POC1B: variants seen among roughly 807,000 people sequenced by gnomAD.
POC1B encodes the protein POC1 centriolar protein B, also known as POC1 centriolar protein homolog B.
POC1B carries 44 observed loss-of-function variants against 60.6 expected under a neutral mutation model. That is an observed-to-expected ratio of 0.73 (90% CI 0.57 to 0.93). The LOEUF (loss-of-function observed/expected upper bound fraction) is 0.93, where lower values mean the gene tolerates loss of function less well. Ranked by LOEUF, POC1B falls within the 40% of genes least tolerant of loss-of-function variation. The probability of loss-of-function intolerance (pLI) is 0.00; values close to 1 mark genes in which losing one functional copy is unlikely to be tolerated. For synonymous variants in POC1B, 180 were observed against 198.9 expected (o/e 0.90, Z 0.80); for missense variants, 555 against 572.3 (o/e 0.97, Z 0.31).
chr12:89,406,123 A>G, the POC1B span, among the ~76,000 whole-genome samples: 2 of 151,920 alleles, frequency 1.3e-5, no homozygotes, highest in Non-Finnish European at 2.9e-5. Context: ...ACATCTCATT[A>G]GAGAAGACAG....
At chr12:89,436,165 G>T (rs888754724) in intron 10 of POC1B, among the ~76,000 whole-genome samples, 3 of 151,674 alleles carry the variant, frequency 2.0e-5, no homozygotes, top group African/African-American at 7.3e-5. Flanking sequence ...GGATGGTCTT[G>T]ATCTCTTGAT....
At chr12:89,458,511 G>A (rs1289653372) in intron 10 of POC1B, among the ~76,000 whole-genome samples, 2 of 152,086 alleles carry the variant, frequency 1.3e-5, no homozygotes, top group Admixed American at 6.6e-5. Flanking sequence ...CCCTCACTTC[G>A]TTTTTGTCAC....
intron 4 of POC1B, among the ~76,000 whole-genome samples, chr12:89,491,528 G>A (rs935635273): frequency 2.7e-5 from 4 of 150,716 alleles, no homozygotes; most frequent in Non-Finnish European, 5.9e-5. Flanking sequence ...AGAGTCTGAG[G>A]TAGGAGAATC....
chr12:89,476,751 TA>T (rs1883131464), intron 4 of POC1B, among the ~76,000 whole-genome samples: 3 of 104,946 alleles, frequency 2.9e-5, no homozygotes, highest in African/African-American at 1.0e-4. Context: ...GATAGATAGA[TA>T]GATAGATAGA....
chr12:89,495,908 C>T (rs1331401231), intron 3 of POC1B, among the ~76,000 whole-genome samples: 3 of 151,978 alleles, frequency 2.0e-5, no homozygotes, highest in African/African-American at 7.3e-5. Flanking sequence ...ATTACAGGTG[C>T]GTGACACCAC....
At chr12:89,511,898 A>G (rs1455615279) in intron 2 of POC1B, among the ~76,000 whole-genome samples, 1 of 152,082 alleles carries the variant, frequency 6.6e-6, no homozygotes, top group Non-Finnish European at 1.5e-5. Context: ...TACTAAAAAT[A>G]CAAAAATGAG....
chr12:89,453,518 T>C (rs1398857449), intron 10 of POC1B, among the ~76,000 whole-genome samples: 3 of 152,198 alleles, frequency 2.0e-5, no homozygotes, highest in Non-Finnish European at 4.4e-5. Flanking sequence ...TGTTTCCTAA[T>C]GCTTAGGAAG....
intron 10 of POC1B, among the ~76,000 whole-genome samples, chr12:89,446,490 A>G (rs1228871126): frequency 6.6e-6 from 1 of 152,172 alleles, no homozygotes; most frequent in African/African-American, 2.4e-5. Context: ...TTCTCAGCAA[A>G]CTATTGCAAG....
chr12:89,477,644 A>G (rs938423140), intron 4 of POC1B, among the ~76,000 whole-genome samples: 2 of 151,780 alleles, frequency 1.3e-5, no homozygotes, highest in African/African-American at 4.8e-5. Context: ...CCACATTCCA[A>G]TCCATTATTG....
chr12:89,499,419 G>A (rs1451035191), intron 2 of POC1B, among the ~76,000 whole-genome samples: 1 of 152,098 alleles, frequency 6.6e-6, no homozygotes, highest in Non-Finnish European at 1.5e-5. Flanking sequence ...CTGGGTGATG[G>A]AATCAATTGT....
intron 11 of POC1B, among the ~76,000 whole-genome samples, chr12:89,421,645 A>G (rs1880538400): frequency 6.6e-6 from 1 of 152,162 alleles, no homozygotes; most frequent in Non-Finnish European, 1.5e-5. Flanking sequence ...TGCCAGCCAG[A>G]TGCCACTGAA....
At chr12:89,430,683 A>G (rs1880993009) in intron 10 of POC1B, among the ~76,000 whole-genome samples, 1 of 152,116 alleles carries the variant, frequency 6.6e-6, no homozygotes. Context: ...TGCCATCAGT[A>G]GAGGATTTCT....
At chr12:89,476,759 T>TAGATAGATAGACAGACAGACAGACAGAC (rs1485211003) in intron 4 of POC1B, among the ~76,000 whole-genome samples, 2 of 58,574 alleles carry the variant, frequency 3.4e-5, no homozygotes, top group Admixed American at 1.8e-4. Flanking sequence ...GATAGATAGA[T>TAGATAGATAGACAGACAGACAGACAGAC]AGACAGACAG....
chr12:89,443,781 C>CA (rs1403698264), intron 10 of POC1B, among the ~76,000 whole-genome samples: 16 of 151,736 alleles, frequency 1.1e-4, no homozygotes, highest in Non-Finnish European at 2.1e-4. Flanking sequence ...GATAGAGACA[C>CA]AAAAAACCCT....
chr12:89,524,069 T>C (rs747916634), intron 2 of POC1B: 1 of 1,613,492 alleles, frequency 6.2e-7, no homozygotes, highest in Admixed American at 1.7e-5. Flanking sequence ...GCAGGAGAAG[T>C]TTCTAAAACA....
the POC1B span, among the ~76,000 whole-genome samples, chr12:89,402,880 A>AATTTTTG: frequency 6.6e-6 from 1 of 150,708 alleles, no homozygotes; most frequent in African/African-American, 2.5e-5. Context: ...ATACCTGGCT[A>AATTTTTG]ATTTTTGTAT....
At chr12:89,421,999 A>G (rs1160411527) in intron 11 of POC1B, among the ~76,000 whole-genome samples, 2 of 151,982 alleles carry the variant, frequency 1.3e-5, no homozygotes, top group African/African-American at 4.8e-5. Flanking sequence ...GGGATATCTA[A>G]TTTTTGTGAT....
chr12:89,408,554 C>T, the POC1B span, among the ~76,000 whole-genome samples: 15 of 150,388 alleles, frequency 1.0e-4, no homozygotes, highest in African/African-American at 3.7e-4. Flanking sequence ...GGTGCGATCT[C>T]GGCTCACTGC....
At chr12:89,401,911 C>A in the POC1B span, among the ~76,000 whole-genome samples, 2 of 152,296 alleles carry the variant, frequency 1.3e-5, no homozygotes, top group Middle Eastern at 6.8e-3. Context: ...AAACAACGAA[C>A]AATACGAGTC....
Sources: gnomAD v4.1 joint callset for allele counts (sites outside exome capture counted in the v4.1 genomes callset) on GRCh38, gnomAD v4.1.1 for gene constraint, MANE v1.5 for transcripts, NCBI Gene and HGNC (gene_info 2026-07-23, HGNC 2026-07-21) for gene names.